ADAM19: variants seen among roughly 807,000 people sequenced by gnomAD.
The protein encoded by ADAM19 is disintegrin and metalloproteinase domain-containing protein 19.
ADAM19 carries 65 observed loss-of-function variants against 114.7 expected under a neutral mutation model. The observed-to-expected ratio is 0.57, with a 90% CI of 0.46 to 0.70. ADAM19 has a LOEUF of 0.70. Among genes scored for constraint, ADAM19 ranks in the 30% least tolerant of loss-of-function variants. The pLI is 0.00. For synonymous variants in ADAM19, 466 were observed against 460.5 expected (o/e 1.01, Z -0.15); for missense variants, 1,063 against 1,204.7 (o/e 0.88, Z 1.74).
chr5:157,510,572 C>T (rs1285947723), intron 8 of ADAM19, among the ~76,000 whole-genome samples: 1 of 152,170 alleles, frequency 6.6e-6, no homozygotes, highest in Non-Finnish European at 1.5e-5. Context: ...TAGTCATTTC[C>T]CATTCTCACC....
intron 3 of ADAM19, among the ~76,000 whole-genome samples, chr5:157,551,500 A>G (rs578177215): frequency 2.0e-5 from 3 of 152,112 alleles, no homozygotes; most frequent in Admixed American, 6.5e-5. Context: ...TCTCCAGGAC[A>G]TTGGTCTGGG....
At chr5:157,514,218 C>T (rs1756022959) in intron 7 of ADAM19, among the ~76,000 whole-genome samples, 1 of 152,144 alleles carries the variant, frequency 6.6e-6, no homozygotes, top group Non-Finnish European at 1.5e-5. Context: ...GACCATAAGA[C>T]ACTGGCAAAT....
chr5:157,518,866 G>C lies in ADAM19; in HGVS notation c.623C>G (p.Ser208Cys), dbSNP rs144540269. The C allele has an allele frequency of 1.9e-6, 3 of 1,613,894 alleles. No homozygotes were observed. The highest frequency in any genetic ancestry group is 2.2e-5 in the East Asian group (1 of 44,896). Residue 208 changes from serine (S) to cysteine (C), a missense_variant, in exon 7 of 23, where the codon TCC becomes TGC. Transcript: ENST00000257527. Reference sequence around the variant, plus strand: ...GAGGTAAAGCTCCACATACTTCATGGAGTTTAAATCTTCCCTTTTCATCTA... The same window carrying C: ...GAGGTAAAGCTCCACATACTTCATGCAGTTTAAATCTTCCCTTTTCATCTA... Reference protein sequence around the residue: ...PRRMKREDLNSMKYVELYLVA... With the variant: ...PRRMKREDLNCMKYVELYLVA...
Position 157,478,057 on chromosome 5 carries a change from C to G in ADAM19, c.*2892G>C. ...GAGACAGGGAGACAGGGCACTAAAT[C>G]CCTTGAGGTTTGTTTTAGAGATGGC... is the stretch of plus-strand genomic sequence containing the variant. On this transcript the variant is annotated 3_prime_UTR_variant, in exon 23 of 23. Transcript: ENST00000257527. 1 of 196,650 alleles carries G rather than the reference C, an allele frequency of 5.1e-6. No individual in the cohort carries two copies. Among genetic ancestry groups the G allele is most frequent in the Non-Finnish European group, 1.1e-5 (1 of 93,384 alleles). The allele number at this position is 196,650 out of a possible 1,614,324, so 12.2% of individuals were successfully genotyped here.
chr5:157,490,604 A>G, intron 18 of ADAM19, 150 bp from the exon 19 acceptor site: 4 of 1,089,720 alleles, frequency 3.7e-6, no homozygotes, highest in Non-Finnish European at 5.2e-6. Flanking sequence ...TTAAAAACAC[A>G]CATTATGGGC....
chr5:157,524,098 G>A (rs533238436), intron 5 of ADAM19, among the ~76,000 whole-genome samples: 10 of 152,378 alleles, frequency 6.6e-5, no homozygotes, highest in Non-Finnish European at 1.3e-4. Flanking sequence ...TCAGTGGACT[G>A]CAGCTTTGTT....
Position 157,502,938 on chromosome 5 carries a change from C to A in ADAM19, c.1173G>T (p.Glu391Asp). ...CACCTGACTGCAGATACCTGTCCAG[C>A]TCCCTCCTGTTGCATCCATTGAACA... Reference protein sequence around the residue: ...PKVFNGCNRRELDRYLQSGGG... With the variant: ...PKVFNGCNRRDLDRYLQSGGG... Residue 391 changes from glutamate to aspartate, a missense_variant, in exon 12 of 23, where the codon GAG becomes GAT. Coordinates refer to ENST00000257527, the MANE Select transcript of ADAM19 (RefSeq NM_033274.5). The A allele has an allele frequency of 9.3e-6, 15 of 1,614,190 alleles. No individual in the cohort carries two copies. Among genetic ancestry groups the A allele is most frequent in the African/African-American group, 1.3e-5 (1 of 75,044 alleles).
intron 7 of ADAM19, among the ~76,000 whole-genome samples, chr5:157,513,823 C>T (rs1756008134): frequency 6.6e-6 from 1 of 152,214 alleles, no homozygotes; most frequent in Admixed American, 6.5e-5. Context: ...TGGCCTCTGG[C>T]AAACTCCCAC....
Position 157,481,780 on chromosome 5 carries a change from C to A in ADAM19, c.2703+11G>T. 2 of 1,565,446 alleles carry A rather than the reference C, an allele frequency of 1.3e-6. No individual in the cohort carries two copies. The highest frequency in any genetic ancestry group is 4.7e-5 in the East Asian group (2 of 42,808). ...ACCAGCTTTCACCTTGAGGGCTTCC[C>A]GTGGACTCACCTTTGGGGCAAGTGC... On this transcript the variant is annotated intron_variant, in intron 22 of 22. Coordinates refer to ENST00000257527, the MANE Select transcript of ADAM19 (RefSeq NM_033274.5).
intron 4 of ADAM19, among the ~76,000 whole-genome samples, chr5:157,537,288 T>C (rs1486959188): frequency 1.3e-5 from 2 of 152,186 alleles, no homozygotes; most frequent in African/African-American, 4.8e-5. Flanking sequence ...ACTTTAAATG[T>C]CTACCAGTGG....
In ADAM19 at chr5:157,575,721, G is replaced by A. The variant is rs888526591; in HGVS notation, c.-25C>T. 3.1e-6 allele frequency: 4 copies of A among 1,306,104 alleles called. No individual in the cohort carries two copies. The highest frequency in any genetic ancestry group is 3.9e-6 in the Non-Finnish European group (4 of 1,028,474). The allele number at this position is 1,306,104 out of a possible 1,614,324, so 80.9% of individuals were successfully genotyped here. A position where few individuals can be genotyped will look rare whatever the true frequency, so the allele number is the denominator to read the frequency against. ...TGGTGGCGGCGGCCCTTAGCGCTCGGCGCTCACACGCCCTCAGCCATACCT... is the reference window on the plus strand; with the variant it reads ...TGGTGGCGGCGGCCCTTAGCGCTCGACGCTCACACGCCCTCAGCCATACCT... On this transcript the variant is annotated 5_prime_UTR_variant, in exon 1 of 23. Coordinates refer to ENST00000257527, the MANE Select transcript of ADAM19 (RefSeq NM_033274.5).
intron 3 of ADAM19, among the ~76,000 whole-genome samples, chr5:157,557,945 T>A (rs1268072206): frequency 6.6e-6 from 1 of 152,084 alleles, no homozygotes; most frequent in Non-Finnish European, 1.5e-5. Flanking sequence ...TATGCTGGGG[T>A]GGGGTTGAGA....
Position 157,482,256 on chromosome 5 carries a change from T to C in ADAM19, c.2551-313A>G, listed in dbSNP as rs547286104. Reference sequence around the variant, plus strand: ...CCCACTTTTTGATAGGGTTGTTTGATTTTTTCTTGTAAATCTGTTTAAGTT... The same window carrying C: ...CCCACTTTTTGATAGGGTTGTTTGACTTTTTCTTGTAAATCTGTTTAAGTT... On this transcript the variant is annotated intron_variant, in intron 21 of 22. Transcript: ENST00000257527. 2.6e-5 allele frequency among the ~76,000 whole-genome samples: 4 copies of C among 152,338 alleles called. No homozygotes were observed. The East Asian group carries it at 7.7e-4, about 29-fold the overall frequency.
At chr5:157,504,346 G>A (rs918976258) in intron 11 of ADAM19, among the ~76,000 whole-genome samples, 1 of 152,176 alleles carries the variant, frequency 6.6e-6, no homozygotes, top group Non-Finnish European at 1.5e-5. Context: ...TGCCTCTCGA[G>A]TTCAAGTGAT....
Position 157,537,993 on chromosome 5 carries a change from T to C in ADAM19, c.252-2A>G. 6.2e-7 allele frequency: 1 copy of C among 1,613,062 alleles called. No individual in the cohort carries two copies. Among genetic ancestry groups the C allele is most frequent in the Non-Finnish European group, 8.5e-7 (1 of 1,179,216 alleles). On this transcript the variant is annotated splice_acceptor_variant, in intron 3 of 22. Transcript: ENST00000257527. LOFTEE classifies it high-confidence loss of function. ...GTGTAGGAAGGAGCAAAAAGTTGCCTGCAAAAAATAAAAAGAGACATTTAT... is the reference window on the plus strand; with the variant it reads ...GTGTAGGAAGGAGCAAAAAGTTGCCCGCAAAAAATAAAAAGAGACATTTAT...
chr5:157,524,117 A>G (rs1756385864), intron 5 of ADAM19, among the ~76,000 whole-genome samples: 1 of 152,154 alleles, frequency 6.6e-6, no homozygotes, highest in East Asian at 1.9e-4. Context: ...TTGCTGGGGG[A>G]ATGTCTGAGA....
rs1029723420 is a variant in ADAM19, at chr5:157,490,351, G to GAGTTGGCCT, written c.2190_2198dup (p.Gly731_Leu733dup). ...GCTTGGAAGGGAGAGCTGAGGGCTT[G>GAGTTGGCCT]AGTTGGCCTAGTTTGTTGTTCTGTC... On this transcript the variant is annotated inframe_insertion, in exon 19 of 23. Transcript: ENST00000257527. 2 of 1,614,000 alleles carry GAGTTGGCCT rather than the reference G, an allele frequency of 1.2e-6. No individual in the cohort carries two copies. Among genetic ancestry groups the GAGTTGGCCT allele is most frequent in the African/African-American group, 2.7e-5 (2 of 74,922 alleles).
intron 3 of ADAM19, among the ~76,000 whole-genome samples, chr5:157,543,069 A>G (rs896572221): frequency 2.6e-5 from 4 of 152,134 alleles, no homozygotes; most frequent in African/African-American, 9.7e-5. Context: ...TAGGATATTA[A>G]CTAGTTTTGT....
chr5:157,504,815 ACT>A (rs1393128580), intron 11 of ADAM19, among the ~76,000 whole-genome samples: 1 of 147,718 alleles, frequency 6.8e-6, no homozygotes. Flanking sequence ...CTCTTCAGAG[ACT>A]CTGGTTTTAA....
Sources: gnomAD v4.1 joint callset for allele counts (sites outside exome capture counted in the v4.1 genomes callset) on GRCh38, gnomAD v4.1.1 for gene constraint, MANE v1.5 for transcripts, NCBI Gene and HGNC (gene_info 2026-07-23, HGNC 2026-07-21) for gene names.